Variants in PLCE1 observed in about 807,000 individuals in gnomAD.
PLCE1 encodes phospholipase C epsilon 1.
Under a neutral mutation model 242.8 loss-of-function variants are expected in PLCE1, and 119 were observed. The observed-to-expected ratio is 0.49, with a 90% CI of 0.42 to 0.57. The LOEUF (loss-of-function observed/expected upper bound fraction) is 0.57, where lower values mean the gene tolerates loss of function less well. Among genes scored for constraint, PLCE1 ranks in the 20% least tolerant of loss-of-function variants. The pLI, the probability that PLCE1 is intolerant of heterozygous loss-of-function variation, is 0.00. For synonymous variants in PLCE1, 945 were observed against 1,017.4 expected, an observed-to-expected ratio of 0.93 and a Z score of 1.35; for missense variants, 2,441 against 2,788.8, an observed-to-expected ratio of 0.88 and a Z score of 2.81.
rs1024535736 is a variant in PLCE1, at chr10:94,078,647, G to A, written c.1206+46395G>A. On this transcript the variant is annotated intron_variant, in intron 2 of 32. Transcript: ENST00000371380. ...ATGACAGGCACCCACCACCATGCCC[G>A]GATAATTTTTGTATTTTTAGCAGAG... is the stretch of plus-strand genomic sequence containing the variant. 2.6e-4 allele frequency among the ~76,000 whole-genome samples: 39 copies of A among 152,002 alleles called. 1 individual carries two copies. The highest frequency in any genetic ancestry group is 2.6e-4 in the Admixed American group (4 of 15,260).
chr10:94,251,775 AAGGGGATGGCAGCCCAACTATTTT>A (rs1201255455), intron 8 of PLCE1, among the ~76,000 whole-genome samples: 7 of 152,078 alleles, frequency 4.6e-5, no homozygotes, highest in African/African-American at 1.7e-4. Context: ...TCAGCCACTC[AAGGGGATGGCAGCCCAACTATTTT>A]AGGAGCTCCC....
intron 2 of PLCE1, among the ~76,000 whole-genome samples, chr10:94,054,848 T>C (rs1423296159): frequency 6.6e-6 from 1 of 151,814 alleles, no homozygotes; most frequent in Non-Finnish European, 1.5e-5. Context: ...CCATCTCTAC[T>C]AAAAGTACAA....
chr10:94,009,987 G>A (rs1031617455), intron 1 of PLCE1, among the ~76,000 whole-genome samples: 12 of 152,334 alleles, frequency 7.9e-5, no homozygotes, highest in African/African-American at 2.6e-4. Context: ...ACAAAACACT[G>A]TGGGGGCTCC....
At chr10:94,100,118 G>T (rs2045470255) in intron 2 of PLCE1, 1 of 152,066 alleles carries the variant, frequency 6.6e-6, no homozygotes, top group Admixed American at 6.5e-5. Flanking sequence ...TTTCTTTCCA[G>T]GTAAAACAGA....
chr10:94,120,962 C>T (rs1564707163), intron 2 of PLCE1: 3 of 152,420 alleles, frequency 2.0e-5, no homozygotes. Context: ...AAGAAAGCTG[C>T]TGGAGCAACC....
chr10:94,040,949 G>T (rs1016135688), intron 2 of PLCE1, among the ~76,000 whole-genome samples: 1 of 152,144 alleles, frequency 6.6e-6, no homozygotes, highest in Admixed American at 6.5e-5. Flanking sequence ...GTCTGTTGGT[G>T]CTTTTACCCT....
At chr10:94,042,003 T>C (rs568093649) in intron 2 of PLCE1, among the ~76,000 whole-genome samples, 9 of 152,258 alleles carry the variant, frequency 5.9e-5, no homozygotes, top group Non-Finnish European at 8.8e-5. Context: ...AGGGCAGACA[T>C]GTATTCATTG....
At chr10:94,000,112 G>C (rs2060905700) in intron 1 of PLCE1, among the ~76,000 whole-genome samples, 1 of 152,202 alleles carries the variant, frequency 6.6e-6, no homozygotes, top group Non-Finnish European at 1.5e-5. Context: ...TTACCGAGCA[G>C]TCCTGCTCTT....
At chr10:94,226,909 G>T (rs766903666) in intron 4 of PLCE1, among the ~76,000 whole-genome samples, 32 of 132,738 alleles carry the variant, frequency 2.4e-4, no homozygotes, top group Admixed American at 7.9e-4. Context: ...GTACAATCTC[G>T]GCTCGCTGCA....
chr10:94,244,044 A>G (rs2050596701), intron 7 of PLCE1, among the ~76,000 whole-genome samples: 1 of 152,174 alleles, frequency 6.6e-6, no homozygotes, highest in South Asian at 2.1e-4. Context: ...TATTTCTGGT[A>G]TGGGGCTCTG....
intron 4 of PLCE1, among the ~76,000 whole-genome samples, chr10:94,201,566 C>G (rs2048986622): frequency 6.6e-6 from 1 of 152,208 alleles, no homozygotes; most frequent in Non-Finnish European, 1.5e-5. Context: ...AGCTCCGCCT[C>G]CTGGGTTCAC....
chr10:94,250,136 A>G (rs2050824348), intron 8 of PLCE1, among the ~76,000 whole-genome samples: 1 of 151,378 alleles, frequency 6.6e-6, no homozygotes, highest in African/African-American at 2.4e-5. Flanking sequence ...TGTCTCAAAA[A>G]AAAAAAAAAA....
intron 2 of PLCE1, among the ~76,000 whole-genome samples, chr10:94,091,254 T>C (rs1195332607): frequency 6.6e-6 from 1 of 152,164 alleles, no homozygotes; most frequent in African/African-American, 2.4e-5. Context: ...TTTATTTCTA[T>C]TAAAATGGTA....
chr10:94,207,514 CGTGTGTGTGTGTGTGTGTGTGTGT>C (rs56098317), intron 4 of PLCE1, among the ~76,000 whole-genome samples: 2 of 142,768 alleles, frequency 1.4e-5, no homozygotes, highest in Non-Finnish European at 3.0e-5. Flanking sequence ...AATAGTTATA[CGTGTGTGTGTGTGTGTGTGTGTGT>C]GTGTGTGTGT....
At chr10:94,128,694 CAG>C (rs2046507671) in intron 2 of PLCE1, among the ~76,000 whole-genome samples, 1 of 152,188 alleles carries the variant, frequency 6.6e-6, no homozygotes, top group South Asian at 2.1e-4. Context: ...GCAACTAGCA[CAG>C]GCAAGAGCAC....
chr10:94,059,179 G>A (rs916813898), intron 2 of PLCE1, among the ~76,000 whole-genome samples: 3 of 152,198 alleles, frequency 2.0e-5, no homozygotes, highest in African/African-American at 7.2e-5. Flanking sequence ...ATGACTTGGG[G>A]CTAAAAGGCA....
rs1312572311 is a variant in PLCE1, at chr10:94,322,060, G to T, written c.6501+1G>T. On this transcript the variant is annotated splice_donor_variant, in intron 30 of 32. Coordinates refer to ENST00000371380, the MANE Select transcript of PLCE1 (RefSeq NM_016341.4). LOFTEE classifies it high-confidence loss of function. ...CACTGCACAGGATGTCATTCAGCAGGTAAAAGCCTCTCCCTTCCTCACCTG... is the reference window on the plus strand; with the variant it reads ...CACTGCACAGGATGTCATTCAGCAGTTAAAAGCCTCTCCCTTCCTCACCTG... 1 of 1,613,862 alleles carries T rather than the reference G, an allele frequency of 6.2e-7. No homozygotes were observed. The highest frequency in any genetic ancestry group is 2.2e-5 in the East Asian group (1 of 44,898).
At chr10:94,262,796 C>A in intron 14 of PLCE1, 64 bp downstream of exon 14, 1 of 1,050,656 alleles carries the variant, frequency 9.5e-7, no homozygotes, top group Non-Finnish European at 1.5e-6. Flanking sequence ...TAATTTGCTG[C>A]TAAATGTTTA....
rs749703254 is a variant in PLCE1, at chr10:94,031,370, C to T, written c.324C>T (p.Asn108=). The change falls in exon 2 of 33, where the codon AAC becomes AAT. Residue 108 remains asparagine, a synonymous_variant. Coordinates refer to ENST00000371380, the MANE Select transcript of PLCE1 (RefSeq NM_016341.4). ...SAKNLNINCN[N]ILRNHQHGLP... ...AAAACCTTAACATTAACTGCAACAA[C>T]ATATTGAGAAACCATCAGCATGGCC... is the stretch of plus-strand genomic sequence containing the variant. 5.6e-6 allele frequency: 9 copies of T among 1,613,834 alleles called. No individual in the cohort carries two copies.
Sources: allele counts gnomAD v4.1 joint callset (sites outside exome capture counted in the v4.1 genomes callset), GRCh38; gene constraint gnomAD v4.1.1; transcripts MANE v1.5; gene names NCBI Gene and HGNC (gene_info 2026-07-23, HGNC 2026-07-21).